UTP25: variants seen among roughly 807,000 people sequenced by gnomAD.
The protein encoded by UTP25 is U3 small nucleolar RNA-associated protein 25 homolog.
In UTP25, 50 loss-of-function variants were observed where a neutral mutation model predicts 78.9. That is an observed-to-expected ratio of 0.63 (90% confidence interval 0.50 to 0.80). The LOEUF is 0.80. UTP25 is among the 30% of genes least tolerant of loss of function. The pLI is 0.00. For missense variants in UTP25, 846 were observed against 911.3 expected (o/e 0.93, Z 0.92); for synonymous variants, 329 against 336.5 (o/e 0.98, Z 0.24).
intron 8 of UTP25, among the ~76,000 whole-genome samples, chr1:209,841,564 CCTT>C (rs1035741111): frequency 1.3e-5 from 2 of 152,042 alleles, no homozygotes; most frequent in African/African-American, 2.4e-5. Context: ...ATTTTTTTCT[CCTT>C]CTCCACACAC....
chr1:209,840,314 A>G (rs2078159270), intron 7 of UTP25, among the ~76,000 whole-genome samples: 1 of 152,200 alleles, frequency 6.6e-6, no homozygotes, highest in African/African-American at 2.4e-5. Flanking sequence ...ACCAGTTTGC[A>G]GAAGAGTTAT....
Position 209,838,358 on chromosome 1 carries a change from TGTG to T in UTP25, c.1063-548_1063-546del, listed in dbSNP as rs562172931. Among the ~76,000 whole-genome samples the T allele has an allele frequency of 1.4e-3, 208 of 144,654 alleles. 1 individual carries two copies. Among genetic ancestry groups the T allele is most frequent in the African/African-American group, 5.4e-3 (203 of 37,746 alleles). The allele number at this position is 144,654 out of a possible 152,430, so 94.9% of individuals were successfully genotyped here. On this transcript the variant is annotated intron_variant, in intron 6 of 11. Transcript: ENST00000491415. ...GCTGAGTCCTGTTTTTCCCATTAAT[TGTG>T]GTCATTTTTTTTTAGAAATGCTTTA... is the stretch of plus-strand genomic sequence containing the variant.
rs1558053960 is a variant in UTP25, at chr1:209,839,046, C to CAGG, written c.1200_1201insAGG (p.Pro400_Glu401insArg). On this transcript the variant is annotated inframe_insertion, in exon 7 of 12. Coordinates refer to ENST00000491415, the MANE Select transcript of UTP25 (RefSeq NM_014388.7). ...TTCAGGGAGAATATGGATCAGATCC[C>CAGG]GAGGAGAGACCACCCAACTTGAAGA... 7 of 1,613,988 alleles carry CAGG rather than the reference C, an allele frequency of 4.3e-6. No individual in the cohort carries two copies. Among genetic ancestry groups the CAGG allele is most frequent in the Non-Finnish European group, 5.1e-6 (6 of 1,179,958 alleles).
chr1:209,828,778 ATT>A (rs71143897), intron 1 of UTP25, among the ~76,000 whole-genome samples: 3 of 137,082 alleles, frequency 2.2e-5, no homozygotes, highest in Non-Finnish European at 3.1e-5. Context: ...TATATATATA[ATT>A]TTTTTTTTTT....
At chr1:209,843,178 C>G in intron 10 of UTP25, 1 of 471,054 alleles carries the variant, frequency 2.1e-6, no homozygotes, top group Non-Finnish European at 3.8e-6. Context: ...GACTGACTGA[C>G]TGAATAGTGT....
At chr1:209,836,537 C>A (rs935259662) in intron 5 of UTP25, among the ~76,000 whole-genome samples, 10 of 152,180 alleles carry the variant, frequency 6.6e-5, no homozygotes, top group African/African-American at 2.2e-4. Flanking sequence ...GGGTGAAGAG[C>A]TCAGATTTGA....
chr1:209,846,014 G>A (rs1278985296), intron 11 of UTP25, among the ~76,000 whole-genome samples: 6 of 151,698 alleles, frequency 4.0e-5, no homozygotes, highest in Admixed American at 6.6e-5. Flanking sequence ...GCATCACCAC[G>A]CCTGGCTGAT....
rs935530255 is a variant in UTP25 at position 209,853,173 on chromosome 1, A to G, written c.*1726A>G. On this transcript the variant is annotated 3_prime_UTR_variant, in exon 12 of 12. Transcript: ENST00000491415. The stretch of plus-strand genomic sequence containing the variant: ...TAGATGGTTTTCTAAATTTCAGAAA[A>G]TTTAGTTAGATAAAAGCCGACCGAA... 6.6e-6 allele frequency: 1 copy of G among 152,196 alleles called. No individual in the cohort carries two copies. Among genetic ancestry groups the G allele is most frequent in the African/African-American group, 2.4e-5 (1 of 41,436 alleles). The allele number at this position is 152,196 out of a possible 1,614,324, so 9.4% of individuals were successfully genotyped here. A position where few individuals can be genotyped will look rare whatever the true frequency, so the allele number is the denominator to read the frequency against.
At chr1:209,838,687 T>A in intron 6 of UTP25, 1 of 591,370 alleles carries the variant, frequency 1.7e-6, no homozygotes. Context: ...TCACGTGGAC[T>A]GATGGGTCTG....
intron 10 of UTP25, chr1:209,842,921 A>G (rs1558055363): frequency 1.9e-6 from 1 of 538,978 alleles, no homozygotes; most frequent in Non-Finnish European, 3.3e-6. Flanking sequence ...TTATTACTAT[A>G]AATCAGGACT....
intron 8 of UTP25, among the ~76,000 whole-genome samples, chr1:209,841,487 TA>T (rs1259361388): frequency 6.6e-6 from 1 of 152,220 alleles, no homozygotes; most frequent in Non-Finnish European, 1.5e-5. Flanking sequence ...CAAGATTTTT[TA>T]AGGTGGGATC....
chr1:209,837,679 C>A (rs1349946654), intron 6 of UTP25, among the ~76,000 whole-genome samples: 1 of 152,212 alleles, frequency 6.6e-6, no homozygotes, highest in African/African-American at 2.4e-5. Context: ...CACTAAGCCA[C>A]ATACATACGT....
chr1:209,851,113 A>G (rs977274321), intron 11 of UTP25, 91 bp from the exon 12 acceptor site: 6 of 1,428,546 alleles, frequency 4.2e-6, no homozygotes, highest in African/African-American at 2.9e-5. Flanking sequence ...GGAAGCAACA[A>G]GCATGAACTA....
intron 3 of UTP25, among the ~76,000 whole-genome samples, chr1:209,832,595 G>A (rs1407354223): frequency 6.6e-6 from 1 of 152,198 alleles, no homozygotes; most frequent in Non-Finnish European, 1.5e-5. Flanking sequence ...GGATATGTGT[G>A]TATATGAGAA....
Position 209,843,561 on chromosome 1 carries a change from T to G in UTP25, c.1892T>G (p.Phe631Cys), listed in dbSNP as rs761182841. The G allele has an allele frequency of 1.2e-6, 2 of 1,614,076 alleles. No homozygotes were observed. Among genetic ancestry groups the G allele is most frequent in the Admixed American group, 1.7e-5 (1 of 60,006 alleles). Residue 631 changes from phenylalanine to cysteine, a missense_variant, in exon 11 of 12, where the codon TTC becomes TGC. Transcript: ENST00000491415. The part of the protein sequence containing the change: ...YFDFVRLRNY[F>C]KKEELNFTHI... ...GACTTCGTGCGTCTTCGAAATTACT[T>G]CAAGAAGGAGGAATTGAATTTTACC...
chr1:209,849,510 G>C (rs2078219141), intron 11 of UTP25, among the ~76,000 whole-genome samples: 1 of 152,030 alleles, frequency 6.6e-6, no homozygotes, highest in Admixed American at 6.6e-5. Context: ...CCTGCGATTA[G>C]GGGTGGGGGA....
chr1:209,831,360 G>A (rs1004874052), intron 3 of UTP25, among the ~76,000 whole-genome samples: 1 of 152,194 alleles, frequency 6.6e-6, no homozygotes, highest in African/African-American at 2.4e-5. Flanking sequence ...AGAGGTTACT[G>A]TTCTTCTCTT....
chr1:209,849,062 G>C (rs1332372336), intron 11 of UTP25, among the ~76,000 whole-genome samples: 1 of 151,914 alleles, frequency 6.6e-6, no homozygotes, highest in Non-Finnish European at 1.5e-5. Flanking sequence ...GCCAGAGGAG[G>C]GTCTCACTCC....
In UTP25 at chr1:209,842,292, C is replaced by T. The variant is rs1378690338; in HGVS notation, c.1513C>T (p.Pro505Ser). The T allele has an allele frequency of 6.2e-7, 1 of 1,613,782 alleles. No homozygotes were observed. Among genetic ancestry groups the T allele is most frequent in the Non-Finnish European group, 8.5e-7 (1 of 1,179,966 alleles). ...LHLMNHMNLL[P>S]LDSHGVDFSR... ...TTTGATGAATCACATGAACCTACTA[C>T]CCCTGGACTCACATGGGGTAGACTT... is the stretch of plus-strand genomic sequence containing the variant. Residue 505 changes from proline to serine, a missense_variant, in exon 9 of 12, where the codon CCC (proline) becomes TCC (serine). By Grantham distance (74) the Pro-to-Ser change is moderately conservative (BLOSUM62 -1). Coordinates refer to ENST00000491415, the MANE Select transcript of UTP25 (RefSeq NM_014388.7).
Sources: allele counts gnomAD v4.1 joint callset (sites outside exome capture counted in the v4.1 genomes callset), GRCh38; gene constraint gnomAD v4.1.1; transcripts MANE v1.5; gene names NCBI Gene and HGNC (gene_info 2026-07-23, HGNC 2026-07-21).